Variants in ARID1B observed in about 807,000 individuals in gnomAD.
ARID1B encodes the protein AT-rich interactive domain-containing protein 1B.
ARID1B carries 30 observed loss-of-function variants against 212.3 expected under a neutral mutation model. That is an observed-to-expected ratio of 0.14 (90% confidence interval 0.11 to 0.19). ARID1B has a LOEUF of 0.19. Ranked by LOEUF, ARID1B falls within the 10% of genes least tolerant of loss-of-function variation. The pLI is 1.00. For missense variants in ARID1B, 2,891 were observed against 3,204.0 expected (o/e 0.90, Z 2.36); for synonymous variants, 1,402 against 1,301.7 (o/e 1.08, Z -1.66).
In ARID1B at chr6:156,892,125, C is replaced by CT. The variant is rs368489075; in HGVS notation, c.1987-9249dup. ...ATGTTGGCCAGGATGGTCTCTATCTCTTGACCTCGTGATCCAGCCACCTCG... is the reference window on the plus strand; with the variant it reads ...ATGTTGGCCAGGATGGTCTCTATCTCTTTGACCTCGTGATCCAGCCACCTCG... On this transcript the variant is annotated intron_variant, in intron 2 of 19. Transcript: ENST00000636930. Among the ~76,000 whole-genome samples, 679 of 146,402 alleles carry CT rather than the reference C, an allele frequency of 4.6e-3. 10 individuals are homozygous for CT. Among genetic ancestry groups the CT allele is most frequent in the African/African-American group, 0.016 (638 of 39,620 alleles).
intron 5 of ARID1B, among the ~76,000 whole-genome samples, chr6:157,096,014 C>G (rs1260471859): frequency 6.6e-6 from 1 of 152,214 alleles, no homozygotes; most frequent in Non-Finnish European, 1.5e-5. Context: ...TGCGTCAGAT[C>G]TTTGTCCCTA....
chr6:157,028,069 G>A (rs1943250566), intron 4 of ARID1B, among the ~76,000 whole-genome samples: 1 of 152,208 alleles, frequency 6.6e-6, no homozygotes, highest in Non-Finnish European at 1.5e-5. Context: ...GTGTATGTGT[G>A]TGTGTGTGTA....
intron 4 of ARID1B, among the ~76,000 whole-genome samples, chr6:156,982,871 C>A (rs1299143649): frequency 6.6e-6 from 1 of 151,954 alleles, no homozygotes; most frequent in Non-Finnish European, 1.5e-5. Flanking sequence ...TTACTTTTTA[C>A]AATCTGTTTT....
intron 15 of ARID1B, chr6:157,193,427 T>C (rs1793519880): frequency 1.3e-5 from 2 of 152,220 alleles, no homozygotes; most frequent in Non-Finnish European, 2.9e-5. Flanking sequence ...CAAATCTTAG[T>C]GGCTTTAAAA....
chr6:157,181,417 A>G (rs1419460398), intron 12 of ARID1B, among the ~76,000 whole-genome samples: 1 of 152,154 alleles, frequency 6.6e-6, no homozygotes, highest in East Asian at 1.9e-4. Context: ...CAGTTTCGTC[A>G]TGTATACAGC....
intron 4 of ARID1B, among the ~76,000 whole-genome samples, chr6:157,051,691 A>G (rs1454147642): frequency 3.3e-5 from 5 of 152,244 alleles, no homozygotes; most frequent in Non-Finnish European, 7.3e-5. Flanking sequence ...ATGAATATTT[A>G]TAATACCAGG....
rs150279698 is a variant in ARID1B, at chr6:157,022,953, C to CTG, written c.2248-61707_2248-61706dup. The CTG allele has an allele frequency of 9.2e-4, 139 of 151,622 alleles. 1 individual carries two copies. The highest frequency in any genetic ancestry group is 3.4e-3 in the African/African-American group (139 of 41,274). 9.4% of individuals were successfully genotyped at this position (151,622 alleles called of 1,614,324 possible). ...AAGAGTTCTGAATATTAACATTCTTCTGTTTTTATGCCTTGTAGTGTTTAC... is the reference window on the plus strand; with the variant it reads ...AAGAGTTCTGAATATTAACATTCTTCTGTGTTTTTATGCCTTGTAGTGTTTAC... On this transcript the variant is annotated intron_variant, in intron 4 of 19. Coordinates refer to ENST00000636930, the MANE Select transcript of ARID1B (RefSeq NM_001374828.1).
At position 157,094,389 on chromosome 6, in the gene ARID1B, CTG is replaced by C. The variant is rs1178930203; in HGVS notation, c.2491+9486_2491+9487del. ...CTTCTTTTTGAGAAGGAGTCTCACT[CTG>C]TCTTCCAGGCTAGAGTACAGTGGCA... On this transcript the variant is annotated intron_variant, in intron 5 of 19. Coordinates refer to ENST00000636930, the MANE Select transcript of ARID1B (RefSeq NM_001374828.1). The surrounding 1 kb of genome is among the most constrained non-coding windows in gnomAD (Gnocchi z 4.3). Among the ~76,000 whole-genome samples the C allele has an allele frequency of 5.3e-5, 8 of 152,132 alleles. No individual in the cohort carries two copies. Among genetic ancestry groups the C allele is most frequent in the Admixed American group, 5.2e-4 (8 of 15,274 alleles).
chr6:157,088,059 T>C (rs59359220), intron 5 of ARID1B, among the ~76,000 whole-genome samples: 146 of 152,362 alleles, frequency 9.6e-4, no homozygotes, highest in African/African-American at 3.4e-3. Context: ...TTATTTTCCC[T>C]CTTTTTGCCT....
intron 19 of ARID1B, 104 bp downstream of exon 19, chr6:157,204,100 C>T: frequency 7.0e-7 from 1 of 1,429,454 alleles, no homozygotes; most frequent in Non-Finnish European, 9.7e-7. Flanking sequence ...CACTGACCGT[C>T]CAACACTGTT....
chr6:157,205,422 T>A (rs1322042220), intron 19 of ARID1B: 1 of 152,242 alleles, frequency 6.6e-6, no homozygotes, highest in African/African-American at 2.4e-5. Flanking sequence ...TGGTTTTTTC[T>A]TGGTACAGTT....
chr6:157,181,124 C>G lies in ARID1B; in HGVS notation c.3660C>G (p.Pro1220=), dbSNP rs2128317550. The G allele has an allele frequency of 6.2e-7, 1 of 1,614,178 alleles. No homozygotes were observed. Among genetic ancestry groups the G allele is most frequent in the South Asian group, 1.1e-5 (1 of 91,080 alleles). ...GTCTGCCTGCCGTGGGCAAGAAGCC[C>G]CTGGACCTGTTCCGACTCTACGTCT... ...VSSLPAVGKK[P]LDLFRLYVCV... is the part of the protein sequence containing the mutation. The change falls in exon 12 of 20, where the codon CCC becomes CCG. Residue 1220 remains proline (P), a synonymous_variant. Transcript: ENST00000636930.
At chr6:156,798,046 G>A (rs1273784012) in intron 1 of ARID1B, among the ~76,000 whole-genome samples, 1 of 152,252 alleles carries the variant, frequency 6.6e-6, no homozygotes, top group African/African-American at 2.4e-5. Flanking sequence ...AGGAGTGGTC[G>A]GGAAGGCGGC....
chr6:157,089,946 T>A (rs950313612), intron 5 of ARID1B, among the ~76,000 whole-genome samples: 6 of 151,080 alleles, frequency 4.0e-5, no homozygotes, highest in African/African-American at 1.4e-4. Flanking sequence ...GGAGGGCTGC[T>A]GGGTTTTGGA....
chr6:157,179,121 T>C (rs1323623322), intron 11 of ARID1B, among the ~76,000 whole-genome samples: 1 of 152,222 alleles, frequency 6.6e-6, no homozygotes, highest in Non-Finnish European at 1.5e-5. Context: ...CATGTTCTTA[T>C]TTCAATTTTT....
At chr6:156,872,568 G>T (rs555741838) in intron 2 of ARID1B, among the ~76,000 whole-genome samples, 1 of 152,088 alleles carries the variant, frequency 6.6e-6, no homozygotes, top group African/African-American at 2.4e-5. Flanking sequence ...TGATCCGCGC[G>T]CCTCAGCCTC....
At chr6:157,010,732 C>A (rs1228507104) in intron 4 of ARID1B, among the ~76,000 whole-genome samples, 1 of 151,584 alleles carries the variant, frequency 6.6e-6, no homozygotes, top group Non-Finnish European at 1.5e-5. Context: ...GTCAATTTAT[C>A]TAAATTGAAA....
At chr6:156,795,298 A>AGC (rs2115256436) in intron 1 of ARID1B, among the ~76,000 whole-genome samples, 2 of 152,308 alleles carry the variant, frequency 1.3e-5, no homozygotes, top group East Asian at 3.9e-4. Context: ...TTACGAGTCC[A>AGC]GAAATCCATG....
intron 4 of ARID1B, among the ~76,000 whole-genome samples, chr6:157,070,758 A>G (rs1171795224): frequency 1.3e-5 from 2 of 152,300 alleles, no homozygotes; most frequent in East Asian, 3.9e-4. Context: ...TTTATTTACG[A>G]GCATGTGAAT....
Sources: allele counts gnomAD v4.1 joint callset (sites outside exome capture counted in the v4.1 genomes callset), GRCh38; gene constraint gnomAD v4.1.1; non-coding constraint Gnocchi (gnomAD v3.1); transcripts MANE v1.5; gene names NCBI Gene and HGNC (gene_info 2026-07-23, HGNC 2026-07-21).